MCF2L: variants seen among roughly 807,000 people sequenced by gnomAD.
MCF2L encodes the protein MCF.2 cell line derived transforming sequence like.
A neutral mutation model predicts 153.4 loss-of-function variants in MCF2L; 97 were observed. The ratio of observed to expected loss-of-function variants is 0.63; its 90% CI spans 0.54 to 0.75. The LOEUF is 0.75. MCF2L is among the 30% of genes least tolerant of loss of function. The pLI, the probability that MCF2L is intolerant of heterozygous loss-of-function variation, is 0.00. For missense variants in MCF2L, 1,347 were observed against 1,495.2 expected (o/e 0.90, Z 1.64); for synonymous variants, 659 against 632.2 (o/e 1.04, Z -0.64).
At chr13:112,905,177 T>A (rs1250779206) in intron 2 of MCF2L, among the ~76,000 whole-genome samples, 1 of 152,190 alleles carries the variant, frequency 6.6e-6, no homozygotes, top group African/African-American at 2.4e-5. Flanking sequence ...TGCAGAAGGG[T>A]GCTGCTCACT....
intron 2 of MCF2L, chr13:112,909,307 C>G (rs1207883281): frequency 1.3e-6 from 1 of 779,780 alleles, no homozygotes; most frequent in East Asian, 2.4e-5. Context: ...TCGGGAGGCA[C>G]TCGGCAGTGT....
At chr13:113,060,901 C>T (rs1202621250) in intron 5 of MCF2L, among the ~76,000 whole-genome samples, 189 bp downstream of exon 5, 1 of 151,316 alleles carries the variant, frequency 6.6e-6, no homozygotes, top group African/African-American at 2.4e-5. Context: ...TCTTCCCCCA[C>T]CCCCGCCCCC....
At chr13:113,001,884 G>C (rs760658086) in intron 1 of MCF2L, 6 of 1,575,854 alleles carry the variant, frequency 3.8e-6, no homozygotes, top group Non-Finnish European at 5.1e-6. Flanking sequence ...GAGCCGGGTC[G>C]GGGGCTCCTG....
intron 4 of MCF2L, among the ~76,000 whole-genome samples, chr13:113,049,056 C>T (rs1304604985): frequency 5.9e-5 from 9 of 152,172 alleles, no homozygotes; most frequent in South Asian, 4.1e-4. Flanking sequence ...CCGCCGCCTC[C>T]AGAAGGGTTT....
rs72661998 is a variant in MCF2L at position 113,031,962 on chromosome 13, G to A, written c.278+7204G>A. On this transcript the variant is annotated intron_variant, in intron 3 of 29. Coordinates refer to ENST00000535094, the MANE Select transcript of MCF2L (RefSeq NM_001112732.3). This position sits in a 1 kb window ranked among gnomAD's most constrained non-coding sequence, Gnocchi z 5.5. Reference sequence around the variant, plus strand: ...TGCATGTGTATAACCACACACGTGCGCACACACACACATGCAAGTGCATGC... The same window carrying A: ...TGCATGTGTATAACCACACACGTGCACACACACACACATGCAAGTGCATGC... Among the ~76,000 whole-genome samples, 14,082 of 151,952 alleles carry A rather than the reference G, an allele frequency of 0.093. 699 individuals carry two copies. Among genetic ancestry groups the A allele is most frequent in the African/African-American group, 0.1 (4,156 of 41,422 alleles).
chr13:113,078,857 G>A, intron 15 of MCF2L, 118 bp downstream of exon 15: 1 of 975,278 alleles, frequency 1.0e-6, no homozygotes, highest in Non-Finnish European at 1.5e-6. Context: ...AGAAGTCATT[G>A]TGGTTCTTAC....
At chr13:112,964,072 A>T (rs3011472) in intron 2 of MCF2L, among the ~76,000 whole-genome samples, 1 of 147,660 alleles carries the variant, frequency 6.8e-6, no homozygotes, top group Non-Finnish European at 1.5e-5. Context: ...GACGGCGTCC[A>T]CTTGCAGGTG....
At chr13:113,093,273 C>T (rs2035374075) in intron 26 of MCF2L, among the ~76,000 whole-genome samples, 1 of 152,248 alleles carries the variant, frequency 6.6e-6, no homozygotes, top group Non-Finnish European at 1.5e-5. Flanking sequence ...CGGAAAATCA[C>T]AGTCCTCAAT....
intron 1 of MCF2L, among the ~76,000 whole-genome samples, chr13:113,013,052 C>G (rs1159268739): frequency 1.3e-5 from 2 of 152,110 alleles, no homozygotes; most frequent in Non-Finnish European, 2.9e-5. Context: ...AGGACAGTGC[C>G]TCCTGGTTTC....
In MCF2L at chr13:113,007,165, T is replaced by G. The variant is rs542400649; in HGVS notation, c.80-7598T>G. Among the ~76,000 whole-genome samples the G allele has an allele frequency of 5.3e-5, 8 of 152,314 alleles. No individual in the cohort carries two copies. The South Asian group carries it at 1.7e-3, about 32-fold the overall frequency. ...GTGTGACTACACCCCAGCCAGGGCA[T>G]GAGTGCACACAGATCCAGGGTCCGT... On this transcript the variant is annotated intron_variant, in intron 1 of 29. Coordinates refer to ENST00000535094, the MANE Select transcript of MCF2L (RefSeq NM_001112732.3).
rs1441140606 is a variant in MCF2L, at chr13:113,084,062, G to A, written c.2056G>A (p.Glu686Lys). Residue 686 changes from glutamate (E) to lysine (K), a missense_variant, in exon 18 of 30, where the codon GAG becomes AAG. Transcript: ENST00000535094. ...CPELVGRCFLERMEDFQIYEK... is the reference protein window; with the variant it reads ...CPELVGRCFLKRMEDFQIYEK... ...AGAACTGGTTGGAAGATGCTTTCTG[G>A]AGAGGGTAGGTGGTGTTTTGACGTG... 6.2e-7 allele frequency: 1 copy of A among 1,613,668 alleles called. No homozygotes were observed. Among genetic ancestry groups the A allele is most frequent in the South Asian group, 1.1e-5 (1 of 91,070 alleles).
At chr13:112,997,318 C>T (rs141352717) in intron 1 of MCF2L, among the ~76,000 whole-genome samples, 2 of 152,324 alleles carry the variant, frequency 1.3e-5, no homozygotes, top group Non-Finnish European at 2.9e-5. Flanking sequence ...CTGCTGACGC[C>T]CCTGTGCAGG....
intron 2 of MCF2L, among the ~76,000 whole-genome samples, chr13:112,945,960 C>G (rs910621272): frequency 6.6e-6 from 1 of 152,136 alleles, no homozygotes; most frequent in Non-Finnish European, 1.5e-5. Flanking sequence ...TGGCTTCAGA[C>G]AGGTGAGGAG....
chr13:112,909,289 T>C (rs1224742240), intron 2 of MCF2L: 3 of 779,598 alleles, frequency 3.8e-6, no homozygotes, highest in African/African-American at 3.4e-5. Flanking sequence ...GCTGGTGTCC[T>C]GCCAGTCTCG....
At chr13:112,928,561 C>T (rs1281223228) in intron 2 of MCF2L, among the ~76,000 whole-genome samples, 1 of 152,052 alleles carries the variant, frequency 6.6e-6, no homozygotes, top group African/African-American at 2.4e-5. Context: ...CTTTTTTCCT[C>T]CCTTCACCCC....
chr13:113,020,890 GTATGTGTAGATGTGTGTA>G (rs1224091855), intron 2 of MCF2L, among the ~76,000 whole-genome samples: 2 of 151,512 alleles, frequency 1.3e-5, no homozygotes. Flanking sequence ...GTAGATGTGT[GTATGTGTAGATGTGTGTA>G]TGTGTGTGTA....
At position 113,074,134 on chromosome 13, in the gene MCF2L, T is replaced by G. The variant is rs74115783; in HGVS notation, c.997-310T>G. The stretch of plus-strand genomic sequence containing the variant: ...CCAGGGCCTTTGTCCTTGCGTGATC[T>G]CATCTTCTCCTCATGCTGTTTTCAG... On this transcript the variant is annotated intron_variant, in intron 9 of 29. Transcript: ENST00000535094. This position sits in a 1 kb window ranked among gnomAD's most constrained non-coding sequence, Gnocchi z 4.2. Among the ~76,000 whole-genome samples the G allele has an allele frequency of 0.04, 6,130 of 152,118 alleles. 431 individuals carry two copies. Among genetic ancestry groups the G allele is most frequent in the African/African-American group, 0.14 (5,715 of 41,450 alleles).
intron 1 of MCF2L, among the ~76,000 whole-genome samples, chr13:113,007,340 CT>C (rs748311904): frequency 1.3e-5 from 2 of 152,236 alleles, no homozygotes; most frequent in Non-Finnish European, 2.9e-5. Flanking sequence ...CCTGGTGCCC[CT>C]GGCTCAGACA....
In MCF2L at chr13:113,036,982, C is replaced by T. The variant is rs1183107283; in HGVS notation, c.279-8289C>T. 3.9e-5 allele frequency among the ~76,000 whole-genome samples: 6 copies of T among 152,352 alleles called. No individual in the cohort carries two copies. In the East Asian group the frequency reaches 1.2e-3, roughly 29 times the overall value. On this transcript the variant is annotated intron_variant, in intron 3 of 29. Transcript: ENST00000535094. ...AGCTCCCGGATGTTTCTCTTGCATC[C>T]ATCTGGCACTGGTCTGCACACTGGT...
Sources: allele counts gnomAD v4.1 joint callset (sites outside exome capture counted in the v4.1 genomes callset), GRCh38; gene constraint gnomAD v4.1.1; non-coding constraint Gnocchi (gnomAD v3.1); transcripts MANE v1.5; gene names NCBI Gene and HGNC (gene_info 2026-07-23, HGNC 2026-07-21).